SULF1: variants seen among roughly 807,000 people sequenced by gnomAD.
SULF1 encodes the protein extracellular sulfatase Sulf-1.
A neutral mutation model predicts 110.5 loss-of-function variants in SULF1; 46 were observed. The observed-to-expected ratio is 0.42, with a 90% confidence interval of 0.33 to 0.53. SULF1 has a LOEUF of 0.53. Among genes scored for constraint, SULF1 ranks in the 20% least tolerant of loss-of-function variants. The pLI is 0.12. For missense variants in SULF1, 941 were observed against 1,094.2 expected, an observed-to-expected ratio of 0.86 and a Z score of 1.98; for synonymous variants, 371 against 387.1, an observed-to-expected ratio of 0.96 and a Z score of 0.49.
At chr8:69,569,051 T>TC (rs1471373332) in intron 5 of SULF1, among the ~76,000 whole-genome samples, 1 of 152,138 alleles carries the variant, frequency 6.6e-6, no homozygotes, top group Non-Finnish European at 1.5e-5. Context: ...TCTAAATCTT[T>TC]CCCAAATGGC....
chr8:69,563,862 G>T, intron 4 of SULF1, 54 bp from the exon 5 acceptor site: 1 of 1,054,398 alleles, frequency 9.5e-7, no homozygotes, highest in Non-Finnish European at 1.4e-6. Flanking sequence ...AACTGTGCTT[G>T]GAGTTTGGAT....
rs116124538 is a variant in SULF1, at chr8:69,532,599, A to G, written c.-134+30631A>G. Among the ~76,000 whole-genome samples the G allele has an allele frequency of 9.1e-4, 139 of 152,394 alleles. 1 individual carries two copies. The highest frequency in any genetic ancestry group is 3.2e-3 in the African/African-American group (133 of 41,606). Reference sequence around the variant, plus strand: ...ATTGCAAGATCTTTAAATTCATTGTACAGCAAGAGAATGAAAAAGAATGTA... The same window carrying G: ...ATTGCAAGATCTTTAAATTCATTGTGCAGCAAGAGAATGAAAAAGAATGTA... On this transcript the variant is annotated intron_variant, in intron 3 of 22. Coordinates refer to ENST00000402687, the MANE Select transcript of SULF1 (RefSeq NM_001128205.2).
At chr8:69,512,532 G>C (rs1411366634) in intron 3 of SULF1, among the ~76,000 whole-genome samples, 1 of 152,140 alleles carries the variant, frequency 6.6e-6, no homozygotes, top group Non-Finnish European at 1.5e-5. Context: ...ATGTTCTTTT[G>C]GGTCCCAGAT....
intron 3 of SULF1, among the ~76,000 whole-genome samples, chr8:69,552,351 G>A (rs1814783680): frequency 6.6e-6 from 1 of 152,172 alleles, no homozygotes; most frequent in Non-Finnish European, 1.5e-5. Context: ...CTAGAAGGAA[G>A]TCAGTAAGTT....
intron 19 of SULF1, 72 bp from the exon 20 acceptor site, chr8:69,638,430 A>T: frequency 6.5e-7 from 1 of 1,529,146 alleles, no homozygotes; most frequent in Non-Finnish European, 8.8e-7. Context: ...ATAAGGGAAC[A>T]CTGGAATGGC....
intron 1 of SULF1, among the ~76,000 whole-genome samples, chr8:69,478,343 A>T (rs545066250): frequency 6.6e-6 from 1 of 152,190 alleles, no homozygotes; most frequent in East Asian, 1.9e-4. Context: ...CACTACTCTA[A>T]AACACCTGTC....
intron 3 of SULF1, among the ~76,000 whole-genome samples, chr8:69,560,491 A>C (rs535803938): frequency 1.3e-5 from 2 of 152,334 alleles, no homozygotes; most frequent in East Asian, 3.9e-4. Context: ...TATGGCTTGG[A>C]GTAAAAGCAA....
At chr8:69,589,667 ATT>A (rs369746716) in intron 8 of SULF1, among the ~76,000 whole-genome samples, 14 of 147,330 alleles carry the variant, frequency 9.5e-5, no homozygotes, top group Non-Finnish European at 1.5e-4. Context: ...AAATAACCTG[ATT>A]TTTTTTTTTT....
chr8:69,574,101 C>T (rs1221325897), intron 5 of SULF1, among the ~76,000 whole-genome samples: 1 of 152,228 alleles, frequency 6.6e-6, no homozygotes, highest in Non-Finnish European at 1.5e-5. Flanking sequence ...TGCAACGCCT[C>T]TCGAGGGGAT....
At chr8:69,642,194 A>T in intron 22 of SULF1, 1 of 977,152 alleles carries the variant, frequency 1.0e-6, no homozygotes, top group Non-Finnish European at 1.2e-6. Context: ...CTTCATCTGT[A>T]TTAATATCTT....
intron 3 of SULF1, among the ~76,000 whole-genome samples, chr8:69,543,163 C>T (rs565162602): frequency 2.6e-5 from 4 of 152,204 alleles, no homozygotes; most frequent in African/African-American, 9.6e-5. Flanking sequence ...GTATACATTC[C>T]ATACTTGCAA....
Position 69,576,022 on chromosome 8 carries a change from C to T in SULF1, c.225C>T (p.Ala75=), listed in dbSNP as rs1156962963. Residue 75 remains alanine, a synonymous_variant, in exon 6 of 23, where the codon GCC becomes GCT. Coordinates refer to ENST00000402687, the MANE Select transcript of SULF1 (RefSeq NM_001128205.2). ...KTRKIMEHGG[A]TFINAFVTTP... ...GAAAGATTATGGAACATGGGGGGGC[C>T]ACCTTCATCAATGCCTTTGTGACTA... The T allele has an allele frequency of 4.3e-6, 7 of 1,614,116 alleles. No individual in the cohort carries two copies. The highest frequency in any genetic ancestry group is 5.9e-6 in the Non-Finnish European group (7 of 1,179,992).
intron 3 of SULF1, among the ~76,000 whole-genome samples, chr8:69,503,752 T>G (rs1051658466): frequency 6.6e-6 from 1 of 152,170 alleles, no homozygotes; most frequent in Admixed American, 6.5e-5. Flanking sequence ...CAAAGTATCT[T>G]TCTTAGTTTC....
chr8:69,514,072 C>T (rs1811759166), intron 3 of SULF1, among the ~76,000 whole-genome samples: 2 of 152,188 alleles, frequency 1.3e-5, no homozygotes, highest in African/African-American at 4.8e-5. Flanking sequence ...TGGAGGTGCT[C>T]ACTTTCAGCA....
intron 1 of SULF1, among the ~76,000 whole-genome samples, chr8:69,478,196 G>T (rs142397657): frequency 6.6e-6 from 1 of 152,252 alleles, no homozygotes; most frequent in African/African-American, 2.4e-5. Context: ...GGAGGAAAGA[G>T]GAAGGACTTC....
chr8:69,566,744 T>C lies in SULF1; in HGVS notation c.172+2597T>C, dbSNP rs566862249. ...CAGGCACCTGTAATCCCAGCTACTC[T>C]GGAGGCTGAGGCAGGAGAATTGCTT... On this transcript the variant is annotated intron_variant, in intron 5 of 22. Transcript: ENST00000402687. Among the ~76,000 whole-genome samples, 5 of 152,072 alleles carry C rather than the reference T, an allele frequency of 3.3e-5. No homozygotes were observed. The East Asian group carries it at 7.8e-4, about 24-fold the overall frequency.
rs375422405 is a variant in SULF1, at chr8:69,585,907, GT to G, written c.413-445del. Among the ~76,000 whole-genome samples the G allele has an allele frequency of 1.1e-4, 16 of 152,322 alleles. No individual in the cohort carries two copies. In the East Asian group the frequency reaches 2.7e-3, roughly 26 times the overall value. On this transcript the variant is annotated intron_variant, in intron 6 of 22. Coordinates refer to ENST00000402687, the MANE Select transcript of SULF1 (RefSeq NM_001128205.2). ...AAACGAAAATAAGCTTTTCAATAGT[GT>G]TTTTATAATTCACAATTCTCAAATA...
At chr8:69,607,865 C>T (rs1182252373) in intron 13 of SULF1, among the ~76,000 whole-genome samples, 2 of 152,198 alleles carry the variant, frequency 1.3e-5, no homozygotes, top group Non-Finnish European at 2.9e-5. Flanking sequence ...TGCTCTCTCT[C>T]GATGTCCCTC....
intron 3 of SULF1, among the ~76,000 whole-genome samples, chr8:69,504,171 CT>C (rs1174991270): frequency 2.6e-5 from 4 of 152,182 alleles, no homozygotes; most frequent in African/African-American, 9.6e-5. Context: ...TTTTCTCCCC[CT>C]AATGTGTGAT....
Sources: allele counts gnomAD v4.1 joint callset (sites outside exome capture counted in the v4.1 genomes callset), GRCh38; gene constraint gnomAD v4.1.1; transcripts MANE v1.5; gene names NCBI Gene and HGNC (gene_info 2026-07-23, HGNC 2026-07-21).